The following UBE3C variants were observed in gnomAD, a reference collection of about 807,000 sequenced individuals.
The protein encoded by UBE3C is ubiquitin protein ligase E3C, also known as ubiquitin-protein ligase E3C.
A neutral mutation model predicts 129.4 loss-of-function variants in UBE3C; 42 were observed. The observed-to-expected ratio is 0.32, with a 90% CI of 0.25 to 0.42. The LOEUF is 0.42. Ranked by LOEUF, UBE3C falls within the 10% of genes least tolerant of loss-of-function variation. The pLI is 1.00. For synonymous variants in UBE3C, 510 were observed against 492.4 expected (o/e 1.04, Z -0.47); for missense variants, 1,049 against 1,319.1 (o/e 0.80, Z 3.17).
At chr7:157,139,969 A>C (rs1284056628) in intron 1 of UBE3C, 5 of 985,288 alleles carry the variant, frequency 5.1e-6, no homozygotes, top group Non-Finnish European at 6.0e-6. Flanking sequence ...GAAACTGTGG[A>C]GAGACTCCGG....
chr7:157,251,112 G>GT lies in UBE3C; in HGVS notation c.2694+2533dup, dbSNP rs552762635. 1.0e-3 allele frequency among the ~76,000 whole-genome samples: 152 copies of GT among 152,290 alleles called. 1 individual carries two copies. The highest frequency in any genetic ancestry group is 2.4e-4 in the Non-Finnish European group (16 of 68,028). On this transcript the variant is annotated intron_variant, in intron 19 of 22. Coordinates refer to ENST00000348165, the MANE Select transcript of UBE3C (RefSeq NM_014671.3). Reference sequence around the variant, plus strand: ...ATGAGAAAAATTAAGAAATTCACTAGTGAAGCACCTAATTTAGAGGGAGAT... The same window carrying GT: ...ATGAGAAAAATTAAGAAATTCACTAGTTGAAGCACCTAATTTAGAGGGAGAT...
chr7:157,249,980 A>T (rs1003683958), intron 19 of UBE3C, among the ~76,000 whole-genome samples: 1 of 152,152 alleles, frequency 6.6e-6, no homozygotes, highest in African/African-American at 2.4e-5. Flanking sequence ...ACTCTTACTG[A>T]TAAGTATAAT....
At chr7:157,241,092 C>T (rs549419843) in intron 18 of UBE3C, among the ~76,000 whole-genome samples, 3 of 152,228 alleles carry the variant, frequency 2.0e-5, no homozygotes, top group East Asian at 1.9e-4. Flanking sequence ...CACAGGGGGC[C>T]TACCTCCCTT....
chr7:157,248,891 C>G (rs1045701304), intron 19 of UBE3C, among the ~76,000 whole-genome samples: 1 of 152,176 alleles, frequency 6.6e-6, no homozygotes, highest in Non-Finnish European at 1.5e-5. Flanking sequence ...GGTGGCCGTT[C>G]AGCAGCTTCC....
intron 1 of UBE3C, among the ~76,000 whole-genome samples, chr7:157,148,779 C>T (rs1382109696): frequency 6.7e-6 from 1 of 149,156 alleles, no homozygotes; most frequent in African/African-American, 2.5e-5. Flanking sequence ...CACTGTGTCG[C>T]CCAGGCTGGA....
At chr7:157,218,573 C>T (rs940226148) in intron 14 of UBE3C, among the ~76,000 whole-genome samples, 2 of 152,202 alleles carry the variant, frequency 1.3e-5, no homozygotes, top group Admixed American at 6.5e-5. Context: ...CCTGTTGCAT[C>T]TAACTCTGCC....
intron 10 of UBE3C, chr7:157,192,395 G>A: frequency 1.4e-6 from 1 of 699,398 alleles, no homozygotes. Context: ...AACCCTTACG[G>A]GGAAGACCAT....
chr7:157,186,656 C>G (rs1397984601), intron 9 of UBE3C, among the ~76,000 whole-genome samples, 178 bp from the exon 10 acceptor site: 1 of 152,046 alleles, frequency 6.6e-6, no homozygotes, highest in African/African-American at 2.4e-5. Context: ...AAATGGATGC[C>G]TACTGTTGAC....
chr7:157,259,179 C>T (rs749332335), intron 22 of UBE3C, among the ~76,000 whole-genome samples: 14 of 152,252 alleles, frequency 9.2e-5, no homozygotes, highest in Non-Finnish European at 1.6e-4. Context: ...CCCACTCAGA[C>T]CTGAGTCAGC....
chr7:157,207,639 A>G, intron 12 of UBE3C, 64 bp from the exon 13 acceptor site: 1 of 1,585,748 alleles, frequency 6.3e-7, no homozygotes, highest in Non-Finnish European at 8.5e-7. Context: ...AAGCTTTTTA[A>G]GTCTTTCAGT....
At chr7:157,218,184 G>C (rs544532143) in intron 14 of UBE3C, among the ~76,000 whole-genome samples, 33 of 152,340 alleles carry the variant, frequency 2.2e-4, no homozygotes, top group African/African-American at 7.9e-4. Context: ...GGTGGCTCAT[G>C]CCTGTAATCC....
At chr7:157,153,503 C>A (rs1162763460) in intron 1 of UBE3C, among the ~76,000 whole-genome samples, 1 of 152,054 alleles carries the variant, frequency 6.6e-6, no homozygotes, top group African/African-American at 2.4e-5. Flanking sequence ...ACGGCGTTGC[C>A]CAGGCTGGTC....
chr7:157,261,681 G>T (rs1432357524), intron 22 of UBE3C, among the ~76,000 whole-genome samples: 1 of 152,170 alleles, frequency 6.6e-6, no homozygotes, highest in East Asian at 1.9e-4. Flanking sequence ...AGGCAGGCAG[G>T]CATAATTTTA....
rs527746213 is a variant in UBE3C, at chr7:157,263,686, C to G, written c.3082-3899C>G. On this transcript the variant is annotated intron_variant, in intron 22 of 22. Transcript: ENST00000348165. ...CTCAAAAAAAAAAAAAAAAGTCTAG[C>G]AAGTATTAGGAACATTCACTTTGTG... is the stretch of plus-strand genomic sequence containing the variant. 3.4e-3 allele frequency among the ~76,000 whole-genome samples: 503 copies of G among 148,488 alleles called. 2 individuals carry two copies. The highest frequency in any genetic ancestry group is 0.012 in the African/African-American group (470 of 40,550).
At chr7:157,177,658 A>G (rs1211200542) in intron 5 of UBE3C, among the ~76,000 whole-genome samples, 1 of 152,222 alleles carries the variant, frequency 6.6e-6, no homozygotes, top group Non-Finnish European at 1.5e-5. Context: ...GAAAAGGGCA[A>G]AGACAAAACA....
intron 10 of UBE3C, chr7:157,198,012 C>A: frequency 6.2e-7 from 1 of 1,605,094 alleles, no homozygotes. Context: ...CTCCATATCC[C>A]AATTCACTTG....
rs928776634 is a variant in UBE3C at position 157,197,599 on chromosome 7, A to G, written c.1332-4122A>G. 7 of 1,596,926 alleles carry G rather than the reference A, an allele frequency of 4.4e-6. No individual in the cohort carries two copies. In the South Asian group the frequency reaches 4.4e-5, roughly 10 times the overall value. On this transcript the variant is annotated intron_variant, in intron 10 of 22. Coordinates refer to ENST00000348165, the MANE Select transcript of UBE3C (RefSeq NM_014671.3). Reference sequence around the variant, plus strand: ...ATGGTACTGCATGGATAGGAACAATATTATTTTAGTTGATGGAGTAACACA... The same window carrying G: ...ATGGTACTGCATGGATAGGAACAATGTTATTTTAGTTGATGGAGTAACACA...
chr7:157,141,629 G>A (rs1176385278), intron 1 of UBE3C, among the ~76,000 whole-genome samples: 2 of 152,174 alleles, frequency 1.3e-5, no homozygotes, highest in Non-Finnish European at 2.9e-5. Context: ...ATGGGACCAC[G>A]GTGTATATGT....
chr7:157,194,881 C>G (rs1264727558), intron 10 of UBE3C, among the ~76,000 whole-genome samples: 1 of 152,124 alleles, frequency 6.6e-6, no homozygotes, highest in Non-Finnish European at 1.5e-5. Flanking sequence ...AAGGTACAGC[C>G]TGCTGTCTTC....
Sources: allele counts gnomAD v4.1 joint callset (sites outside exome capture counted in the v4.1 genomes callset), GRCh38; gene constraint gnomAD v4.1.1; transcripts MANE v1.5; gene names NCBI Gene and HGNC (gene_info 2026-07-23, HGNC 2026-07-21).